The following PRMT8 variants were observed in gnomAD, a reference collection of about 807,000 sequenced individuals.
The protein encoded by PRMT8 is protein arginine N-methyltransferase 8.
A neutral mutation model predicts 47.1 loss-of-function variants in PRMT8; 7 were observed. That is an observed-to-expected ratio of 0.15 (90% CI 0.08 to 0.28). The LOEUF (loss-of-function observed/expected upper bound fraction) is 0.28. Among genes scored for constraint, PRMT8 ranks in the 10% least tolerant of loss-of-function variants. The probability of loss-of-function intolerance (pLI) is 1.00; values close to 1 mark genes in which losing one functional copy is unlikely to be tolerated. For synonymous variants in PRMT8, 188 were observed against 186.5 expected (o/e 1.01, Z -0.07); for missense variants, 237 against 505.4 (o/e 0.47, Z 5.09).
chr12:3,516,672 A>G (rs1208639066), intron 1 of PRMT8, among the ~76,000 whole-genome samples: 1 of 152,178 alleles, frequency 6.6e-6, no homozygotes, highest in African/African-American at 2.4e-5. Flanking sequence ...GAAATAATGT[A>G]TACAGTGGTC....
chr12:3,399,412 C>T (rs1300486343), intron 1 of PRMT8, among the ~76,000 whole-genome samples: 1 of 152,138 alleles, frequency 6.6e-6, no homozygotes, highest in Non-Finnish European at 1.5e-5. Context: ...GAGGGAGAAA[C>T]TTCTACCAGT....
At chr12:3,520,157 C>A (rs573159841) in intron 1 of PRMT8, among the ~76,000 whole-genome samples, 59 of 152,308 alleles carry the variant, frequency 3.9e-4, no homozygotes, top group Middle Eastern at 6.8e-3. Context: ...AGAGTGGGGA[C>A]AAACCGGAGA....
At chr12:3,438,800 T>A (rs779552668) in intron 1 of PRMT8, among the ~76,000 whole-genome samples, 1 of 152,262 alleles carries the variant, frequency 6.6e-6, no homozygotes, top group Non-Finnish European at 1.5e-5. Context: ...TTCATAGAGC[T>A]AAGTATATTC....
intron 4 of PRMT8, among the ~76,000 whole-genome samples, chr12:3,568,359 AT>A (rs750184065): frequency 6.8e-6 from 1 of 146,828 alleles, no homozygotes; most frequent in African/African-American, 2.6e-5. Flanking sequence ...AAAAAAAAAA[AT>A]CTGCGTGTTC....
chr12:3,461,763 A>G (rs1342519660), intron 1 of PRMT8, among the ~76,000 whole-genome samples: 1 of 152,104 alleles, frequency 6.6e-6, no homozygotes, highest in African/African-American at 2.4e-5. Flanking sequence ...GCTGAGACAC[A>G]AAGTATAATT....
intron 1 of PRMT8, among the ~76,000 whole-genome samples, chr12:3,391,426 G>T (rs1864191869): frequency 6.6e-6 from 1 of 152,224 alleles, no homozygotes; most frequent in South Asian, 2.1e-4. Context: ...GCCTCAGGGA[G>T]AGGGAACAGC....
At chr12:3,466,882 T>C (rs759839223) in intron 1 of PRMT8, among the ~76,000 whole-genome samples, 4 of 152,110 alleles carry the variant, frequency 2.6e-5, no homozygotes, top group Non-Finnish European at 5.9e-5. Flanking sequence ...AAATGAACAA[T>C]CTCATTCATG....
chr12:3,438,039 T>G (rs539733243), intron 1 of PRMT8, among the ~76,000 whole-genome samples: 1 of 152,284 alleles, frequency 6.6e-6, no homozygotes, highest in South Asian at 2.1e-4. Context: ...CAGATCCAGC[T>G]TGCCCTGAGT....
intron 1 of PRMT8, among the ~76,000 whole-genome samples, chr12:3,395,417 G>T (rs1449031165): frequency 6.7e-6 from 1 of 149,884 alleles, no homozygotes; most frequent in Non-Finnish European, 1.5e-5. Flanking sequence ...TTGTGTCTTT[G>T]TTCTTGTTGG....
chr12:3,407,062 T>TA (rs1327367395), intron 1 of PRMT8, among the ~76,000 whole-genome samples: 1 of 152,182 alleles, frequency 6.6e-6, no homozygotes, highest in Non-Finnish European at 1.5e-5. Flanking sequence ...TCAGGAAACT[T>TA]ACAATCATGA....
chr12:3,541,935 G>T (rs1032473591), intron 2 of PRMT8, among the ~76,000 whole-genome samples: 1 of 152,030 alleles, frequency 6.6e-6, no homozygotes, highest in African/African-American at 2.4e-5. Context: ...CGGTTTTTTT[G>T]TGTGCGTGTG....
At position 3,493,423 on chromosome 12, in the gene PRMT8, G is replaced by T. The variant is rs1436629893; in HGVS notation, c.75+1723G>T. 6.6e-6 allele frequency among the ~76,000 whole-genome samples: 1 copy of T among 152,160 alleles called. No individual in the cohort carries two copies. Among genetic ancestry groups the T allele is most frequent in the African/African-American group, 2.4e-5 (1 of 41,424 alleles). On this transcript the variant is annotated intron_variant, in intron 1 of 9. Transcript: ENST00000382622. The surrounding 1 kb of genome is among the most constrained non-coding windows in gnomAD (Gnocchi z 8.2). ...AGCGAGCGGGCACGTAGCGGTCTCT[G>T]CCAGGTGGCTGGAGCCCTGGAAGCG... is the stretch of plus-strand genomic sequence containing the variant.
At chr12:3,511,734 G>T (rs1393551767) in intron 1 of PRMT8, among the ~76,000 whole-genome samples, 1 of 152,164 alleles carries the variant, frequency 6.6e-6, no homozygotes, top group Non-Finnish European at 1.5e-5. Context: ...ATTGGTGCCT[G>T]CTTCACTGGG....
chr12:3,560,622 C>T (rs1479813267), intron 4 of PRMT8, among the ~76,000 whole-genome samples: 3 of 152,106 alleles, frequency 2.0e-5, no homozygotes, highest in Admixed American at 6.5e-5. Context: ...ACTCTAGAAA[C>T]AAAAAATGTA....
At chr12:3,567,379 T>G (rs930284774) in intron 4 of PRMT8, among the ~76,000 whole-genome samples, 3 of 152,324 alleles carry the variant, frequency 2.0e-5, no homozygotes, top group Admixed American at 2.0e-4. Flanking sequence ...GAGCCCATGC[T>G]CTCATCAAAA....
intron 8 of PRMT8, among the ~76,000 whole-genome samples, chr12:3,586,631 C>G (rs910401180): frequency 1.3e-5 from 2 of 152,158 alleles, no homozygotes; most frequent in Admixed American, 6.5e-5. Flanking sequence ...CCTGGACCTC[C>G]TGAATCAGAA....
chr12:3,403,740 G>A (rs1025368681), intron 1 of PRMT8, among the ~76,000 whole-genome samples: 11 of 151,772 alleles, frequency 7.2e-5, no homozygotes, highest in East Asian at 1.9e-4. Flanking sequence ...TTAGCCAGGC[G>A]TAGTGGCACG....
At chr12:3,528,480 A>G (rs907301169) in intron 1 of PRMT8, among the ~76,000 whole-genome samples, 4 of 151,944 alleles carry the variant, frequency 2.6e-5, no homozygotes, top group Admixed American at 2.0e-4. Flanking sequence ...CATAGTTTTT[A>G]TCTCTAGAAG....
intron 1 of PRMT8, among the ~76,000 whole-genome samples, chr12:3,442,666 T>C (rs990867200): frequency 6.6e-6 from 1 of 152,162 alleles, no homozygotes; most frequent in Non-Finnish European, 1.5e-5. Flanking sequence ...TGGCCTTATT[T>C]GTATATTTTT....
Sources: allele counts gnomAD v4.1 joint callset (sites outside exome capture counted in the v4.1 genomes callset), GRCh38; gene constraint gnomAD v4.1.1; non-coding constraint Gnocchi (gnomAD v3.1); transcripts MANE v1.5; gene names NCBI Gene and HGNC (gene_info 2026-07-23, HGNC 2026-07-21).